Variants in SYNE2 observed in about 807,000 individuals in gnomAD.
The protein encoded by SYNE2 is nesprin-2.
In SYNE2, 431 loss-of-function variants were observed where a neutral mutation model predicts 856.3. That is an observed-to-expected ratio of 0.50 (90% CI 0.47 to 0.55). The LOEUF (loss-of-function observed/expected upper bound fraction) is 0.55, where lower values mean the gene tolerates loss of function less well. Ranked by LOEUF, SYNE2 falls within the 20% of genes least tolerant of loss-of-function variation. The pLI is 0.00. For missense variants in SYNE2, 8,129 were observed against 8,023.2 expected (o/e 1.01, Z -0.50); for synonymous variants, 2,923 against 2,872.3 (o/e 1.02, Z -0.56).
At chr14:63,833,443 C>T (rs1889739298) in intron 1 of SYNE2, among the ~76,000 whole-genome samples, 1 of 152,012 alleles carries the variant, frequency 6.6e-6, no homozygotes, top group South Asian at 2.1e-4. Context: ...AAGAAAAAAA[C>T]ATACATATAA....
intron 60 of SYNE2, among the ~76,000 whole-genome samples, chr14:64,092,508 G>C (rs1468699400): frequency 1.6e-4 from 25 of 152,196 alleles, no homozygotes; most frequent in Non-Finnish European, 1.5e-5. Context: ...GATGTGCACA[G>C]TGAACATAGT....
chr14:64,214,169 C>T, intron 105 of SYNE2, 25 bp from the exon 106 acceptor site: 1 of 1,614,186 alleles, frequency 6.2e-7, no homozygotes, highest in African/African-American at 1.3e-5. Flanking sequence ...TTGATTAATT[C>T]TAACAACTGG....
intron 1 of SYNE2, among the ~76,000 whole-genome samples, chr14:63,820,608 G>C (rs750923577): frequency 1.3e-5 from 2 of 152,130 alleles, no homozygotes; most frequent in African/African-American, 2.4e-5. Flanking sequence ...GAAAAGACTA[G>C]CCAGACACTG....
chr14:64,224,926 ATTTTTT>A, intron 114 of SYNE2, 67 bp from the exon 115 acceptor site: 3 of 1,276,596 alleles, frequency 2.3e-6, no homozygotes, highest in Non-Finnish European at 3.3e-6. Context: ...TTAAGGGAGG[ATTTTTT>A]TTTTTTTTAT....
At chr14:63,866,169 T>G (rs1340475731) in intron 1 of SYNE2, among the ~76,000 whole-genome samples, 3 of 152,212 alleles carry the variant, frequency 2.0e-5, no homozygotes, top group Non-Finnish European at 2.9e-5. Flanking sequence ...GGTGAACAAT[T>G]AGAACACTGC....
At chr14:64,220,413 C>G (rs781014389) in intron 110 of SYNE2, 24 bp from the exon 111 acceptor site, 7 of 1,613,858 alleles carry the variant, frequency 4.3e-6, no homozygotes, top group Non-Finnish European at 5.9e-6. Flanking sequence ...GAGCTCCTAA[C>G]CTCATCTTTT....
Position 64,162,259 on chromosome 14 carries a change from G to A in SYNE2, c.16282G>A (p.Ala5428Thr), listed in dbSNP as rs1421844571. The A allele has an allele frequency of 6.2e-6, 10 of 1,614,060 alleles. No individual in the cohort carries two copies. In the East Asian group the frequency reaches 2.2e-4, roughly 36 times the overall value. ...GNNLAEILPPALQDIKELQHD... is the reference protein window; with the variant it reads ...GNNLAEILPPTLQDIKELQHD... ...CAACCTGGCAGAGATCCTGCCCCCA[G>A]CCCTGCAGGACATAAAGGTGGGTAC... The change falls in exon 88 of 116, where the codon GCC becomes ACC. Residue 5428 changes from alanine (A) to threonine (T), a missense_variant. By Grantham distance (58) the Ala-to-Thr change is moderately conservative. Around this residue, in one of 3 missense-constraint regions of SYNE2, gnomAD observed 5,410 missense variants for 5,284.8 expected, o/e 1.02. Transcript: ENST00000555002.
At chr14:64,181,627 A>G (rs933022720) in intron 96 of SYNE2, among the ~76,000 whole-genome samples, 3 of 152,200 alleles carry the variant, frequency 2.0e-5, no homozygotes, top group African/African-American at 7.2e-5. Flanking sequence ...TGTCCAGGTC[A>G]GTGTGTTTCA....
In SYNE2 at chr14:64,186,603, C is replaced by T. The variant is rs2297302; in HGVS notation, c.17712+24C>T. ...GGGTAAGTCAGCTCACTGCAGGGCACGGCTGTTTGGGAGTGGATTGAAATG... is the reference window on the plus strand; with the variant it reads ...GGGTAAGTCAGCTCACTGCAGGGCATGGCTGTTTGGGAGTGGATTGAAATG... On this transcript the variant is annotated intron_variant, in intron 97 of 115. Coordinates refer to ENST00000555002, the MANE Select transcript of SYNE2 (RefSeq NM_182914.3). The T allele has an allele frequency of 1.1e-4, 171 of 1,613,820 alleles. 1 individual carries two copies. The East Asian group carries it at 1.1e-3, about 10-fold the overall frequency.
At chr14:64,141,785 C>T (rs1401899735) in intron 81 of SYNE2, among the ~76,000 whole-genome samples, 157 bp from the exon 82 acceptor site, 1 of 151,518 alleles carries the variant, frequency 6.6e-6, no homozygotes, top group African/African-American at 2.4e-5. Flanking sequence ...TTTGGGGTCG[C>T]TTATTCTAAG....
At chr14:64,183,644 G>C (rs371038134) in intron 96 of SYNE2, among the ~76,000 whole-genome samples, 26 of 152,342 alleles carry the variant, frequency 1.7e-4, no homozygotes, top group South Asian at 4.1e-4. Flanking sequence ...CTGAGTGAAC[G>C]AGACTCCGTC....
chr14:63,864,218 T>G (rs1894589495), intron 1 of SYNE2, among the ~76,000 whole-genome samples: 2 of 152,214 alleles, frequency 1.3e-5, no homozygotes, highest in Admixed American at 6.5e-5. Context: ...TGATGTTGAG[T>G]AAGAATCTTT....
At chr14:64,081,366 A>G in intron 56 of SYNE2, 77 bp from the exon 57 acceptor site, 1 of 1,588,158 alleles carries the variant, frequency 6.3e-7, no homozygotes, top group Non-Finnish European at 8.6e-7. Flanking sequence ...ACTAACAGCT[A>G]TTGACTCTTC....
At chr14:64,124,795 G>A (rs1051360543) in intron 70 of SYNE2, among the ~76,000 whole-genome samples, 2 of 152,080 alleles carry the variant, frequency 1.3e-5, no homozygotes, top group Non-Finnish European at 2.9e-5. Context: ...CTGAGGTCAC[G>A]AGTTCAAGAA....
intron 1 of SYNE2, among the ~76,000 whole-genome samples, chr14:63,815,114 C>T (rs1209915676): frequency 1.1e-5 from 1 of 91,672 alleles, no homozygotes; most frequent in African/African-American, 3.9e-5. Flanking sequence ...ACACATATAT[C>T]CATATATATC....
intron 96 of SYNE2, among the ~76,000 whole-genome samples, chr14:64,183,298 C>CTGCAGTCTCGGCACTTTGGGAG (rs2098470271): frequency 1.3e-5 from 2 of 149,702 alleles, no homozygotes; most frequent in Middle Eastern, 3.5e-3. Context: ...CGGGCAGAGG[C>CTGCAGTCTCGGCACTTTGGGAG]GCTCCTCCCA....
At chr14:64,119,288 T>C in intron 66 of SYNE2, 139 bp from the exon 67 acceptor site, 1 of 1,129,302 alleles carries the variant, frequency 8.9e-7, no homozygotes, top group Non-Finnish European at 1.3e-6. Flanking sequence ...AGTTTTTGTT[T>C]TTCCAGGGTT....
chr14:64,163,689 A>T, intron 89 of SYNE2, 108 bp downstream of exon 89: 1 of 1,278,784 alleles, frequency 7.8e-7, no homozygotes, highest in African/African-American at 1.5e-5. Flanking sequence ...TCCTTAGCAA[A>T]ATTACAGACT....
In SYNE2 at chr14:64,215,222, G is replaced by GTTAATACT. The variant is rs980013264; in HGVS notation, c.19334-62_19334-55dup. 8 of 1,365,330 alleles carry GTTAATACT rather than the reference G, an allele frequency of 5.9e-6. No homozygotes were observed. In the African/African-American group the frequency reaches 7.1e-5, roughly 12 times the overall value. The allele number at this position is 1,365,330 out of a possible 1,614,324, so 84.6% of individuals were successfully genotyped here. On this transcript the variant is annotated intron_variant, in intron 106 of 115. Coordinates refer to ENST00000555002, the MANE Select transcript of SYNE2 (RefSeq NM_182914.3). ...CCAGCTGACAATGTTTCTACTGTGT[G>GTTAATACT]TTAATACTTGGGCATTAATCTTCAG...
Sources: allele counts gnomAD v4.1 joint callset (sites outside exome capture counted in the v4.1 genomes callset), GRCh38; gene constraint gnomAD v4.1.1; regional missense constraint gnomAD v4.1.1; transcripts MANE v1.5; gene names NCBI Gene and HGNC (gene_info 2026-07-23, HGNC 2026-07-21).